TLX2: variants seen among roughly 807,000 people sequenced by gnomAD.
TLX2 encodes the protein T-cell leukemia homeobox protein 2.
In TLX2, 15 loss-of-function variants were observed where a neutral mutation model predicts 21.7. The observed-to-expected ratio is 0.69, with a 90% CI of 0.46 to 1.07. The LOEUF is 1.07. TLX2 is among the 50% of genes least tolerant of loss of function. The pLI is 0.00. For synonymous variants in TLX2, 213 were observed against 193.1 expected (o/e 1.10, Z -0.85); for missense variants, 384 against 409.1 (o/e 0.94, Z 0.53).
chr2:74,515,147 C>T lies in TLX2; in HGVS notation c.341C>T (p.Ala114Val). ...GGTTTGGGCGGCGCCGGAGGCCTAG[C>T]GGGACTCACCTTCCCCTGGATGGAC... ...PSGLGGAGGL[A>V]GLTFPWMDSG... Residue 114 changes from alanine (A) to valine (V), a missense_variant, in exon 1 of 3, where the codon GCG becomes GTG. Coordinates refer to ENST00000233638, the MANE Select transcript of TLX2 (RefSeq NM_016170.5). This position sits in a 1 kb window ranked among gnomAD's most constrained non-coding sequence, Gnocchi z 6.6. The T allele has an allele frequency of 6.5e-7, 1 of 1,541,048 alleles. No individual in the cohort carries two copies. The highest frequency in any genetic ancestry group is 8.7e-7 in the Non-Finnish European group (1 of 1,146,360).
Position 74,515,580 on chromosome 2 carries a change from G to T in TLX2, c.401-53G>T. ...TGGACAGCCGCGCGGCCTTCTCAGT[G>T]GCACCTCGGGCCACCCTGCAAATCC... On this transcript the variant is annotated intron_variant, in intron 1 of 2. Transcript: ENST00000233638. This position sits in a 1 kb window ranked among gnomAD's most constrained non-coding sequence, Gnocchi z 6.6. The T allele has an allele frequency of 6.5e-7, 1 of 1,536,450 alleles. No individual in the cohort carries two copies. The highest frequency in any genetic ancestry group is 8.9e-7 in the Non-Finnish European group (1 of 1,128,780).
In TLX2 at chr2:74,516,611, G is replaced by GC; in HGVS notation, c.*422_*423insC. 1.1e-6 allele frequency: 1 copy of GC among 935,674 alleles called. No homozygotes were observed. Among genetic ancestry groups the GC allele is most frequent in the Non-Finnish European group, 1.3e-6 (1 of 743,234 alleles). 58.0% of individuals were successfully genotyped at this position (935,674 alleles called of 1,614,324 possible). The stretch of plus-strand genomic sequence containing the variant: ...GGTGCCGGCTGGGTCTGTACCAAAG[G>GC]TGTGAAGGAAAGAAGACACCGACCA... On this transcript the variant is annotated 3_prime_UTR_variant, in exon 3 of 3. Coordinates refer to ENST00000233638, the MANE Select transcript of TLX2 (RefSeq NM_016170.5).
At position 74,515,879 on chromosome 2, in the gene TLX2, C is replaced by T. The variant is rs769414564; in HGVS notation, c.638+9C>T. 6.2e-7 allele frequency: 1 copy of T among 1,600,410 alleles called. No homozygotes were observed. Among genetic ancestry groups the T allele is most frequent in the South Asian group, 1.1e-5 (1 of 90,296 alleles). ...CGACGCACCAAGTGGCGGTGAGGCG[C>T]GGCGCGGGCGAGGGCGGACTGGGGT... On this transcript the variant is annotated intron_variant, in intron 2 of 2. Transcript: ENST00000233638. The surrounding 1 kb of genome is among the most constrained non-coding windows in gnomAD (Gnocchi z 6.6).
rs1449316800 is a variant in TLX2, at chr2:74,515,650, T to G, written c.418T>G (p.Ser140Ala). 1 of 1,611,870 alleles carries G rather than the reference T, an allele frequency of 6.2e-7. No homozygotes were observed. Among genetic ancestry groups the G allele is most frequent in the Non-Finnish European group, 8.5e-7 (1 of 1,178,668 alleles). ...DRLTAALSPFSGTRRIGHPYQ... is the reference protein window; with the variant it reads ...DRLTAALSPFAGTRRIGHPYQ... The stretch of plus-strand genomic sequence containing the variant: ...CCCGGTAGCTGCGCTCTCGCCCTTC[T>G]CTGGGACGCGCCGCATAGGCCACCC... Residue 140 changes from serine to alanine, a missense_variant, in exon 2 of 3, where the codon TCT becomes GCT. Physicochemically the swap from Ser to Ala is moderately conservative, Grantham distance 99. Coordinates refer to ENST00000233638, the MANE Select transcript of TLX2 (RefSeq NM_016170.5). The surrounding 1 kb of genome is among the most constrained non-coding windows in gnomAD (Gnocchi z 6.6).
Position 74,516,387 on chromosome 2 carries a change from C to A in TLX2, c.*198C>A. The A allele has an allele frequency of 6.8e-7, 1 of 1,472,366 alleles. No homozygotes were observed. Among genetic ancestry groups the A allele is most frequent in the Non-Finnish European group, 9.0e-7 (1 of 1,115,870 alleles). 91.2% of individuals were successfully genotyped at this position (1,472,366 alleles called of 1,614,324 possible). A position where few individuals can be genotyped will look rare whatever the true frequency, so the allele number is the denominator to read the frequency against. On this transcript the variant is annotated 3_prime_UTR_variant, in exon 3 of 3. Coordinates refer to ENST00000233638, the MANE Select transcript of TLX2 (RefSeq NM_016170.5). ...CGGCCAGCTCAGAGGCGGCCTTTCCCGCCATTTTTCACTTCACTGCCGTTA... is the reference window on the plus strand; with the variant it reads ...CGGCCAGCTCAGAGGCGGCCTTTCCAGCCATTTTTCACTTCACTGCCGTTA...
At position 74,514,762 on chromosome 2, in the gene TLX2, C is replaced by G. The variant is rs1181631872; in HGVS notation, c.-45C>G. 1.2e-6 allele frequency: 2 copies of G among 1,609,574 alleles called. No homozygotes were observed. Among genetic ancestry groups the G allele is most frequent in the Non-Finnish European group, 1.7e-6 (2 of 1,178,606 alleles). On this transcript the variant is annotated 5_prime_UTR_variant, in exon 1 of 3. Coordinates refer to ENST00000233638, the MANE Select transcript of TLX2 (RefSeq NM_016170.5). This position sits in a 1 kb window ranked among gnomAD's most constrained non-coding sequence, Gnocchi z 5.0. ...GGCTTCTGGCGCTGCCTGAGGCATCCTCCCCAACCACCGAACCTCCGGCGG... is the reference window on the plus strand; with the variant it reads ...GGCTTCTGGCGCTGCCTGAGGCATCGTCCCCAACCACCGAACCTCCGGCGG...
At position 74,515,703 on chromosome 2, in the gene TLX2, G is replaced by A; in HGVS notation, c.471G>A (p.Arg157=). ...ACCAAAACCGGACCCCTCCGAAGCGGAAGAAGCCGCGCACGTCCTTCTCCC... is the reference window on the plus strand; with the variant it reads ...ACCAAAACCGGACCCCTCCGAAGCGAAAGAAGCCGCGCACGTCCTTCTCCC... ...HPYQNRTPPK[R]KKPRTSFSRS... is the part of the protein sequence containing the mutation. The change falls in exon 2 of 3, where the codon CGG becomes CGA. Residue 157 remains arginine (R), a synonymous_variant. Coordinates refer to ENST00000233638, the MANE Select transcript of TLX2 (RefSeq NM_016170.5). The surrounding 1 kb of genome is among the most constrained non-coding windows in gnomAD (Gnocchi z 6.6). The A allele has an allele frequency of 6.2e-7, 1 of 1,613,728 alleles. No homozygotes were observed. Among genetic ancestry groups the A allele is most frequent in the Non-Finnish European group, 8.5e-7 (1 of 1,179,972 alleles).
rs963889748 is a variant in TLX2, at chr2:74,517,012, C to T, written c.*823C>T. 4 of 152,208 alleles carry T rather than the reference C, an allele frequency of 2.6e-5. No homozygotes were observed. The highest frequency in any genetic ancestry group is 6.5e-5 in the Admixed American group (1 of 15,276). 9.4% of individuals were successfully genotyped at this position (152,208 alleles called of 1,614,324 possible). On this transcript the variant is annotated 3_prime_UTR_variant, in exon 3 of 3. Coordinates refer to ENST00000233638, the MANE Select transcript of TLX2 (RefSeq NM_016170.5). ...GCTTAAGAAGAATCAAAGGTAATTC[C>T]AAGACTGGAAATGTGCAGCATCAGG...
At position 74,516,295 on chromosome 2, in the gene TLX2, C is replaced by A. The variant is rs1374338614; in HGVS notation, c.*106C>A. 1.8e-5 allele frequency: 28 copies of A among 1,526,804 alleles called. No individual in the cohort carries two copies. The highest frequency in any genetic ancestry group is 2.5e-5 in the Non-Finnish European group (28 of 1,142,444). The allele number at this position is 1,526,804 out of a possible 1,614,324, so 94.6% of individuals were successfully genotyped here. A position where few individuals can be genotyped will look rare whatever the true frequency, so the allele number is the denominator to read the frequency against. Reference sequence around the variant, plus strand: ...AGCCGGGCGCGTGAGGAGCGGCAGGCCTTGAGGCTGTCGTCGAGGGCTCCT... The same window carrying A: ...AGCCGGGCGCGTGAGGAGCGGCAGGACTTGAGGCTGTCGTCGAGGGCTCCT... On this transcript the variant is annotated 3_prime_UTR_variant, in exon 3 of 3. Transcript: ENST00000233638.
rs764189865 is a variant in TLX2 at position 74,516,076 on chromosome 2, C to T, written c.742C>T (p.Pro248Ser). ...ALPRPLRPPL[P>S]PDPLCLHNSS... ...GCCACGGCCGCTGCGGCCGCCGCTG[C>T]CCCCGGACCCTCTCTGCCTGCACAA... The change falls in exon 3 of 3, where the codon CCC becomes TCC. Residue 248 changes from proline to serine, a missense_variant. Physicochemically the swap from Pro to Ser is moderately conservative, Grantham distance 74. Coordinates refer to ENST00000233638, the MANE Select transcript of TLX2 (RefSeq NM_016170.5). The T allele has an allele frequency of 3.1e-6, 5 of 1,596,966 alleles. No homozygotes were observed. Among genetic ancestry groups the T allele is most frequent in the Non-Finnish European group, 4.3e-6 (5 of 1,175,334 alleles).
In TLX2 at chr2:74,515,815, C is replaced by A. The variant is rs140224606; in HGVS notation, c.583C>A (p.Arg195Ser). Residue 195 changes from arginine (R) to serine (S), a missense_variant, in exon 2 of 3, where the codon CGC becomes AGC. Arg to Ser is a moderately radical substitution (Grantham distance 110). Transcript: ENST00000233638. The surrounding 1 kb of genome is among the most constrained non-coding windows in gnomAD (Gnocchi z 6.6). ...AERAALAKAL[R>S]MTDAQVKTWF... ...GAGGGCGGCGCTGGCCAAGGCCTTG[C>A]GCATGACCGACGCACAGGTCAAAAC... 6.2e-7 allele frequency: 1 copy of A among 1,612,656 alleles called. No individual in the cohort carries two copies. Among genetic ancestry groups the A allele is most frequent in the Admixed American group, 1.7e-5 (1 of 59,972 alleles).
Position 74,516,075 on chromosome 2 carries a change from G to T in TLX2, c.741G>T (p.Leu247=). 1 of 1,596,230 alleles carries T rather than the reference G, an allele frequency of 6.3e-7. No homozygotes were observed. Among genetic ancestry groups the T allele is most frequent in the Non-Finnish European group, 8.5e-7 (1 of 1,175,114 alleles). ...TGCCACGGCCGCTGCGGCCGCCGCT[G>T]CCCCCGGACCCTCTCTGCCTGCACA... ...DALPRPLRPP[L]PPDPLCLHNS... is the part of the protein sequence containing the mutation. Residue 247 remains leucine (L), a synonymous_variant, in exon 3 of 3, where the codon CTG becomes CTT. Transcript: ENST00000233638.
Position 74,514,959 on chromosome 2 carries a change from G to A in TLX2, c.153G>A (p.Ser51=), listed in dbSNP as rs779807649. 22 of 1,585,720 alleles carry A rather than the reference G, an allele frequency of 1.4e-5. No individual in the cohort carries two copies. In the East Asian group the frequency reaches 4.3e-4, roughly 31 times the overall value. The change falls in exon 1 of 3, where the codon TCG becomes TCA. Residue 51 remains serine (S), a synonymous_variant. Coordinates refer to ENST00000233638, the MANE Select transcript of TLX2 (RefSeq NM_016170.5). This position sits in a 1 kb window ranked among gnomAD's most constrained non-coding sequence, Gnocchi z 5.0. ...GTCATGGGGAGAATGGGGCGTTCTC[G>A]GGTGGATACCACGGAGCCTCGGGCT... The part of the protein sequence containing the change: ...GQGHGENGAF[S]GGYHGASGYG...
chr2:74,516,308 G>T lies in TLX2; in HGVS notation c.*119G>T, dbSNP rs1160457481. ...AGGAGCGGCAGGCCTTGAGGCTGTCGTCGAGGGCTCCTCCACCACCGGCCG... is the reference window on the plus strand; with the variant it reads ...AGGAGCGGCAGGCCTTGAGGCTGTCTTCGAGGGCTCCTCCACCACCGGCCG... On this transcript the variant is annotated 3_prime_UTR_variant, in exon 3 of 3. Transcript: ENST00000233638. 2.0e-6 allele frequency: 3 copies of T among 1,524,182 alleles called. No individual in the cohort carries two copies. Among genetic ancestry groups the T allele is most frequent in the South Asian group, 1.2e-5 (1 of 81,924 alleles). The allele number at this position is 1,524,182 out of a possible 1,614,324, so 94.4% of individuals were successfully genotyped here.
Position 74,516,209 on chromosome 2 carries a change from C to G in TLX2, c.*20C>G. On this transcript the variant is annotated 3_prime_UTR_variant, in exon 3 of 3. Transcript: ENST00000233638. ...GTGTGAGCGACGCCCGTCCGATCGG[C>G]GTGGAGCGCCGGGCCCGGAGCGGTG... 1 of 1,601,486 alleles carries G rather than the reference C, an allele frequency of 6.2e-7. No homozygotes were observed.
chr2:74,514,711 C>T lies in TLX2; in HGVS notation c.-96C>T. On this transcript the variant is annotated 5_prime_UTR_variant, in exon 1 of 3. Coordinates refer to ENST00000233638, the MANE Select transcript of TLX2 (RefSeq NM_016170.5). This position sits in a 1 kb window ranked among gnomAD's most constrained non-coding sequence, Gnocchi z 5.0. ...TGGCCAGCCCCGCGGGCCCCTGAGG[C>T]CACTCTCCGGAGCGCGCCGCCGCTG... The T allele has an allele frequency of 6.4e-7, 1 of 1,569,030 alleles. No individual in the cohort carries two copies. The highest frequency in any genetic ancestry group is 8.6e-7 in the Non-Finnish European group (1 of 1,158,546).
chr2:74,515,588 G>A lies in TLX2; in HGVS notation c.401-45G>A. 4 of 1,561,350 alleles carry A rather than the reference G, an allele frequency of 2.6e-6. No homozygotes were observed. Among genetic ancestry groups the A allele is most frequent in the Non-Finnish European group, 3.5e-6 (4 of 1,147,176 alleles). ...CGCGCGGCCTTCTCAGTGGCACCTC[G>A]GGCCACCCTGCAAATCCTGCCCTGG... is the stretch of plus-strand genomic sequence containing the variant. On this transcript the variant is annotated intron_variant, in intron 1 of 2. Transcript: ENST00000233638. This position sits in a 1 kb window ranked among gnomAD's most constrained non-coding sequence, Gnocchi z 6.6.
In TLX2 at chr2:74,515,831, A is replaced by C; in HGVS notation, c.599A>C (p.Gln200Pro). 6.2e-7 allele frequency: 1 copy of C among 1,612,220 alleles called. No homozygotes were observed. Among genetic ancestry groups the C allele is most frequent in the Non-Finnish European group, 8.5e-7 (1 of 1,179,530 alleles). The change falls in exon 2 of 3, where the codon CAG becomes CCG. Residue 200 changes from glutamine to proline, a missense_variant. By Grantham distance (76) the Gln-to-Pro change is moderately conservative. Coordinates refer to ENST00000233638, the MANE Select transcript of TLX2 (RefSeq NM_016170.5). This position sits in a 1 kb window ranked among gnomAD's most constrained non-coding sequence, Gnocchi z 6.6. ...AAGGCCTTGCGCATGACCGACGCACAGGTCAAAACGTGGTTCCAGAACCGA... is the reference window on the plus strand; with the variant it reads ...AAGGCCTTGCGCATGACCGACGCACCGGTCAAAACGTGGTTCCAGAACCGA... ...LAKALRMTDAQVKTWFQNRRT... is the reference protein window; with the variant it reads ...LAKALRMTDAPVKTWFQNRRT...
At position 74,515,082 on chromosome 2, in the gene TLX2, G is replaced by A. The variant is rs1364522382; in HGVS notation, c.276G>A (p.Pro92=). 3 of 1,523,918 alleles carry A rather than the reference G, an allele frequency of 2.0e-6. No individual in the cohort carries two copies. Among genetic ancestry groups the A allele is most frequent in the Admixed American group, 2.1e-5 (1 of 46,966 alleles). The allele number at this position is 1,523,918 out of a possible 1,614,324, so 94.4% of individuals were successfully genotyped here. A position where few individuals can be genotyped will look rare whatever the true frequency, so the allele number is the denominator to read the frequency against. ...CTGCGCACCGCCCGCTGCCTGTGCC[G>A]CCGCCCGCTGGGGGGGCGCCTGCAG... is the stretch of plus-strand genomic sequence containing the variant. ...RVPAHRPLPV[P]PPAGGAPAVP... is the part of the protein sequence containing the mutation. Residue 92 remains proline (P), a synonymous_variant, in exon 1 of 3, where the codon CCG becomes CCA. Transcript: ENST00000233638. The surrounding 1 kb of genome is among the most constrained non-coding windows in gnomAD (Gnocchi z 6.6).
Sources: allele counts gnomAD v4.1 joint callset, GRCh38; gene constraint gnomAD v4.1.1; non-coding constraint Gnocchi (gnomAD v3.1); transcripts MANE v1.5; gene names NCBI Gene and HGNC (gene_info 2026-07-23, HGNC 2026-07-21).